PALS2: variants seen among roughly 807,000 people sequenced by gnomAD.
PALS2 encodes protein associated with LIN7 2, MAGUK p55 family member.
Under a neutral mutation model 61.6 loss-of-function variants are expected in PALS2, and 27 were observed. That is an observed-to-expected ratio of 0.44 (90% confidence interval 0.32 to 0.60). The LOEUF is 0.60. Among genes scored for constraint, PALS2 ranks in the 20% least tolerant of loss-of-function variants. PALS2 has a pLI of 0.05. For synonymous variants in PALS2, 236 were observed against 218.6 expected, an observed-to-expected ratio of 1.08 and a Z score of -0.70; for missense variants, 554 against 639.4, an observed-to-expected ratio of 0.87 and a Z score of 1.44.
In PALS2 at chr7:24,665,506, C is replaced by G; in HGVS notation, c.784-82C>G. On this transcript the variant is annotated intron_variant, in intron 6 of 11. Coordinates refer to ENST00000222644, the MANE Select transcript of PALS2 (RefSeq NM_001303037.2). ...TTAAGAGCAAATGTGACTTTTTTGA[C>G]TGACCACTGCTTGTCTTACTTAATA... 11 of 1,238,806 alleles carry G rather than the reference C, an allele frequency of 8.9e-6. 1 individual carries two copies. In the South Asian group the frequency reaches 1.4e-4, roughly 16 times the overall value. The allele number at this position is 1,238,806 out of a possible 1,614,324, so 76.7% of individuals were successfully genotyped here. A position where few individuals can be genotyped will look rare whatever the true frequency, so the allele number is the denominator to read the frequency against.
At chr7:24,665,319 T>G (rs1441284408) in intron 6 of PALS2, among the ~76,000 whole-genome samples, 2 of 152,182 alleles carry the variant, frequency 1.3e-5, no homozygotes, top group Non-Finnish European at 2.9e-5. Flanking sequence ...TAACTTAGTA[T>G]CATAAATAAG....
chr7:24,598,601 G>C (rs1313774719), intron 1 of PALS2, among the ~76,000 whole-genome samples: 1 of 152,134 alleles, frequency 6.6e-6, no homozygotes, highest in Admixed American at 6.5e-5. Context: ...AAAATAACCT[G>C]TTCATTATAG....
intron 3 of PALS2, among the ~76,000 whole-genome samples, chr7:24,649,229 T>C (rs1041152602): frequency 1.3e-5 from 2 of 152,250 alleles, no homozygotes; most frequent in South Asian, 2.1e-4. Context: ...TGAATTTTTA[T>C]GGTATTTTAG....
At position 24,596,683 on chromosome 7, in the gene PALS2, C is replaced by G. The variant is rs1265667907; in HGVS notation, c.-3+23090C>G. Among the ~76,000 whole-genome samples the G allele has an allele frequency of 6.6e-6, 1 of 151,996 alleles. No individual in the cohort carries two copies. Among genetic ancestry groups the G allele is most frequent in the Non-Finnish European group, 1.5e-5 (1 of 68,000 alleles). ...TTGTGAGAGTAAATTGGCAACAGTG[C>G]TATTTATTTGAGCTCTGTTTAAAAA... On this transcript the variant is annotated intron_variant, in intron 1 of 11. Coordinates refer to ENST00000222644, the MANE Select transcript of PALS2 (RefSeq NM_001303037.2). The surrounding 1 kb of genome is among the most constrained non-coding windows in gnomAD (Gnocchi z 4.5).
chr7:24,684,667 A>T (rs936974354), intron 11 of PALS2, among the ~76,000 whole-genome samples: 11 of 152,142 alleles, frequency 7.2e-5, no homozygotes, highest in Non-Finnish European at 1.0e-4. Flanking sequence ...TAGGAAATAA[A>T]TTTTTTGTTT....
rs1784357779 is a variant in PALS2 at position 24,618,098 on chromosome 7, AG to A, written c.-2-5567del. Among the ~76,000 whole-genome samples the A allele has an allele frequency of 6.6e-6, 1 of 152,164 alleles. No homozygotes were observed. The highest frequency in any genetic ancestry group is 2.1e-4 in the South Asian group (1 of 4,834). On this transcript the variant is annotated intron_variant, in intron 1 of 11. Coordinates refer to ENST00000222644, the MANE Select transcript of PALS2 (RefSeq NM_001303037.2). This position sits in a 1 kb window ranked among gnomAD's most constrained non-coding sequence, Gnocchi z 5.1. ...GAGCCAGTTCAAGGACATCTTCACC[AG>A]AGGCTAGCCTGCCAGGCTGTTTTTC... is the stretch of plus-strand genomic sequence containing the variant.
At chr7:24,593,463 G>A (rs1783377970) in intron 1 of PALS2, among the ~76,000 whole-genome samples, 1 of 152,048 alleles carries the variant, frequency 6.6e-6, no homozygotes, top group Admixed American at 6.6e-5. Flanking sequence ...TTTCCAAAAG[G>A]TTTTCAATTT....
intron 11 of PALS2, among the ~76,000 whole-genome samples, chr7:24,684,047 A>G (rs969764932): frequency 2.0e-5 from 3 of 152,176 alleles, no homozygotes; most frequent in Middle Eastern, 3.4e-3. Flanking sequence ...AGTCCCCCCA[A>G]CTGCCCACCT....
chr7:24,678,536 A>G (rs1016656067), intron 9 of PALS2, among the ~76,000 whole-genome samples: 2 of 152,186 alleles, frequency 1.3e-5, no homozygotes, highest in African/African-American at 2.4e-5. Context: ...ACTTTACAAA[A>G]TTGGTATCAC....
At chr7:24,665,510 C>T (rs1276111921) in intron 6 of PALS2, 78 bp from the exon 7 acceptor site, 1 of 1,285,342 alleles carries the variant, frequency 7.8e-7, no homozygotes, top group Non-Finnish European at 1.1e-6. Context: ...TTTTGACTGA[C>T]CACTGCTTGT....
intron 11 of PALS2, 32 bp downstream of exon 11, chr7:24,680,552 TCTTTC>T (rs1338083979): frequency 3.1e-6 from 5 of 1,588,530 alleles, no homozygotes; most frequent in Non-Finnish European, 4.3e-6. Context: ...CCTTCTAAAA[TCTTTC>T]CTTTTCTTTT....
intron 1 of PALS2, among the ~76,000 whole-genome samples, chr7:24,611,636 A>G (rs7796741): frequency 0.063 from 9,572 of 152,026 alleles, 348 homozygotes; most frequent in African/African-American, 0.093. Flanking sequence ...TATCAGAATT[A>G]TGAAGTATAG....
chr7:24,648,289 C>CTTT lies in PALS2; in HGVS notation c.271-1305_271-1303dup, dbSNP rs1265008724. Among the ~76,000 whole-genome samples the CTTT allele has an allele frequency of 2.4e-3, 284 of 118,728 alleles. 5 individuals are homozygous for CTTT. The East Asian group carries it at 0.043, about 18-fold the overall frequency. The allele number at this position is 118,728 out of a possible 152,430, so 77.9% of individuals were successfully genotyped here. A position where few individuals can be genotyped will look rare whatever the true frequency, so the allele number is the denominator to read the frequency against. The stretch of plus-strand genomic sequence containing the variant: ...ATGCACAGTTGCAGTAAAAATTATT[C>CTTT]TTTTTTTTTTTTTTTTTTTTGAGAC... On this transcript the variant is annotated intron_variant, in intron 3 of 11. Transcript: ENST00000222644.
chr7:24,686,100 A>G lies in PALS2; in HGVS notation c.1447-1338A>G, dbSNP rs141846481. 5.9e-5 allele frequency among the ~76,000 whole-genome samples: 9 copies of G among 152,174 alleles called. No individual in the cohort carries two copies. In the East Asian group the frequency reaches 1.5e-3, roughly 26 times the overall value. ...AACTCTGTATCTCCCACAGCCACCC[A>G]TTTACCTAAGTTAGAAACCTAAGAG... On this transcript the variant is annotated intron_variant, in intron 11 of 11. Transcript: ENST00000222644.
Position 24,649,743 on chromosome 7 carries a change from CA to C in PALS2, c.406del (p.Arg136GlufsTer8). The C allele has an allele frequency of 1.2e-6, 2 of 1,609,132 alleles. No individual in the cohort carries two copies. The highest frequency in any genetic ancestry group is 1.1e-5 in the South Asian group (1 of 90,150). ...ATGCCATTCGTATTCTTGGTATTCA[CA>C]AAAGAGCTGGGGAACCACTGGTGAG... ...VDAIRILGIH[K>X]RAGEPLGVTF... is the part of the protein sequence containing the mutation. On this transcript the variant is annotated frameshift_variant, in exon 4 of 12. Coordinates refer to ENST00000222644, the MANE Select transcript of PALS2 (RefSeq NM_001303037.2). LOFTEE classifies it high-confidence loss of function.
At chr7:24,678,471 A>G (rs1787741720) in intron 9 of PALS2, among the ~76,000 whole-genome samples, 1 of 152,232 alleles carries the variant, frequency 6.6e-6, no homozygotes, top group African/African-American at 2.4e-5. Flanking sequence ...ACAGGAAGCT[A>G]AAAGCGTTGG....
At position 24,573,845 on chromosome 7, in the gene PALS2, C is replaced by T. The variant is rs866652392; in HGVS notation, c.-3+252C>T. ...AAGGGGCGCTCGGCCGGGCTCCTGC[C>T]TCTCTGGCTGCGGGCGGCTGGGCGG... On this transcript the variant is annotated intron_variant, in intron 1 of 11. Transcript: ENST00000222644. The surrounding 1 kb of genome is among the most constrained non-coding windows in gnomAD (Gnocchi z 5.3). 6.6e-6 allele frequency among the ~76,000 whole-genome samples: 1 copy of T among 150,664 alleles called. No homozygotes were observed. Among genetic ancestry groups the T allele is most frequent in the Non-Finnish European group, 1.5e-5 (1 of 67,606 alleles).
intron 5 of PALS2, among the ~76,000 whole-genome samples, chr7:24,652,202 G>T (rs1786189667): frequency 6.6e-6 from 1 of 152,114 alleles, no homozygotes; most frequent in East Asian, 1.9e-4. Flanking sequence ...TGTGTTAGTT[G>T]TAGTAGGAAG....
intron 11 of PALS2, among the ~76,000 whole-genome samples, chr7:24,686,110 G>C (rs896459737): frequency 3.9e-5 from 6 of 152,082 alleles, no homozygotes; most frequent in Non-Finnish European, 8.8e-5. Context: ...ATTTACCTAA[G>C]TTAGAAACCT....
Sources: allele counts gnomAD v4.1 joint callset (sites outside exome capture counted in the v4.1 genomes callset), GRCh38; gene constraint gnomAD v4.1.1; non-coding constraint Gnocchi (gnomAD v3.1); transcripts MANE v1.5; gene names NCBI Gene and HGNC (gene_info 2026-07-23, HGNC 2026-07-21).